The following TRIM48 variants were observed in gnomAD, a reference collection of about 807,000 sequenced individuals.
TRIM48 encodes the protein tripartite motif containing 48.
Under a neutral mutation model 29.5 loss-of-function variants are expected in TRIM48, and 31 were observed. That is an observed-to-expected ratio of 1.05 (90% CI 0.79 to 1.42). TRIM48 has a LOEUF of 1.42. TRIM48 is among the 40% of genes most tolerant of loss of function. The pLI, the probability that TRIM48 is intolerant of heterozygous loss-of-function variation, is 0.00. For missense variants in TRIM48, 344 were observed against 265.0 expected (o/e 1.30, Z -2.07); for synonymous variants, 128 against 90.6 (o/e 1.41, Z -2.34).
rs1376648662 is a variant in TRIM48, at chr11:55,269,231, T to A, written c.579-11T>A. 1 of 1,572,474 alleles carries A rather than the reference T, an allele frequency of 6.4e-7. No individual in the cohort carries two copies. The highest frequency in any genetic ancestry group is 2.4e-5 in the East Asian group (1 of 41,366). On this transcript the variant is annotated splice_polypyrimidine_tract_variant and intron_variant, in intron 4 of 5. Coordinates refer to ENST00000417545, the MANE Select transcript of TRIM48 (RefSeq NM_024114.5). ...GCTGTAGATGTTGTAACTGCAGGTT[T>A]TTCCTTGCAGGAGTGAGTCCGTGCT... is the stretch of plus-strand genomic sequence containing the variant.
chr11:55,262,845 G>A (rs1445038707), intron 1 of TRIM48, among the ~76,000 whole-genome samples: 1 of 151,972 alleles, frequency 6.6e-6, no homozygotes, highest in East Asian at 1.9e-4. Flanking sequence ...ATGTGATGGT[G>A]GTTGCCATCT....
At chr11:55,268,994 C>T (rs1590623226) in intron 4 of TRIM48, among the ~76,000 whole-genome samples, 1 of 148,096 alleles carries the variant, frequency 6.8e-6, no homozygotes, top group East Asian at 2.1e-4. Context: ...GGCCATAAGG[C>T]TAAGGAACTT....
chr11:55,266,408 A>G lies in TRIM48; in HGVS notation c.555+713A>G, dbSNP rs1338735372. Among the ~76,000 whole-genome samples the G allele has an allele frequency of 2.0e-5, 3 of 147,826 alleles. 1 individual carries two copies. Among genetic ancestry groups the G allele is most frequent in the Non-Finnish European group, 4.5e-5 (3 of 66,924 alleles). ...TTAGTGTGTTGAAAAGTATTTCATA[A>G]GAACCTAGTCTATGTTGAATATTAA... On this transcript the variant is annotated intron_variant, in intron 3 of 5. Transcript: ENST00000417545.
At position 55,268,156 on chromosome 11, in the gene TRIM48, C is replaced by A. The variant is rs960145896; in HGVS notation, c.556-194C>A. Among the ~76,000 whole-genome samples the A allele has an allele frequency of 1.6e-4, 24 of 147,444 alleles. 2 individuals carry two copies. Among genetic ancestry groups the A allele is most frequent in the African/African-American group, 6.0e-4 (24 of 40,258 alleles). Reference sequence around the variant, plus strand: ...TTGGAGAATGTCTTCAAGACTCAGACTTTCCCGGGACATTAATTAGTGACA... The same window carrying A: ...TTGGAGAATGTCTTCAAGACTCAGAATTTCCCGGGACATTAATTAGTGACA... On this transcript the variant is annotated intron_variant, in intron 3 of 5. Transcript: ENST00000417545.
intron 1 of TRIM48, among the ~76,000 whole-genome samples, chr11:55,262,776 C>A (rs1445340024): frequency 6.7e-6 from 1 of 150,034 alleles, no homozygotes; most frequent in Non-Finnish European, 1.5e-5. Context: ...CCCAAAACAT[C>A]CCAGTTTGGA....
chr11:55,264,832 T>C lies in TRIM48; in HGVS notation c.45-68T>C, dbSNP rs905412390. 17 of 1,561,862 alleles carry C rather than the reference T, an allele frequency of 1.1e-5. 2 individuals are homozygous for C. The highest frequency in any genetic ancestry group is 1.5e-5 in the Non-Finnish European group (17 of 1,151,314). ...GAGAAGAAACTATAGCTATCACTTA[T>C]CTCCACATGTTCAGAAGCTTTTCAT... On this transcript the variant is annotated intron_variant, in intron 1 of 5. Transcript: ENST00000417545.
intron 1 of TRIM48, among the ~76,000 whole-genome samples, chr11:55,264,076 T>C (rs1375124860): frequency 1.2e-4 from 18 of 152,096 alleles, no homozygotes; most frequent in Admixed American, 1.0e-3. Flanking sequence ...TGTTGGTTAA[T>C]CCAGTCAGAC....
chr11:55,269,815 A>T, intron 5 of TRIM48, among the ~76,000 whole-genome samples: 1 of 148,030 alleles, frequency 6.8e-6, no homozygotes, highest in East Asian at 2.1e-4. Flanking sequence ...AAAAATAAAA[A>T]GAAATCATTT....
At chr11:55,262,577 A>G (rs1297018517) in intron 1 of TRIM48, among the ~76,000 whole-genome samples, 1 of 152,140 alleles carries the variant, frequency 6.6e-6, no homozygotes, top group Non-Finnish European at 1.5e-5. Flanking sequence ...TGGAGTTGAT[A>G]TTTATACATG....
intron 3 of TRIM48, chr11:55,267,573 T>C: frequency 1.4e-6 from 2 of 1,390,648 alleles, no homozygotes; most frequent in Non-Finnish European, 2.0e-6. Context: ...AGGAGGGAGA[T>C]TTTTAAGAGG....
intron 3 of TRIM48, among the ~76,000 whole-genome samples, chr11:55,266,925 T>C (rs1362542333): frequency 6.8e-5 from 10 of 147,824 alleles, no homozygotes; most frequent in African/African-American, 1.7e-4. Context: ...GAGACAAAAA[T>C]GGCCAAATCA....
rs1391474103 is a variant in TRIM48, at chr11:55,264,954, C to G, written c.99C>G (p.Ile33Met). ...TCCAGAGGGAACTCACCTGCCCCAT[C>G]TGCATGAACTACTTCATAGACCCGG... is the stretch of plus-strand genomic sequence containing the variant. ...QVFQRELTCP[I>M]CMNYFIDPVT... Residue 33 changes from isoleucine to methionine, a missense_variant, in exon 2 of 6, where the codon ATC (isoleucine) becomes ATG (methionine). Ile to Met is a conservative substitution (Grantham distance 10). Transcript: ENST00000417545. The G allele has an allele frequency of 6.3e-7, 1 of 1,584,312 alleles. No individual in the cohort carries two copies. The highest frequency in any genetic ancestry group is 1.2e-5 in the South Asian group (1 of 83,706).
At chr11:55,268,488 T>G (rs1341587992) in intron 4 of TRIM48, 116 bp downstream of exon 4, 4 of 1,027,044 alleles carry the variant, frequency 3.9e-6, no homozygotes, top group Admixed American at 4.6e-5. Context: ...TTTTTTTGCA[T>G]CTTCTTTCAT....
In TRIM48 at chr11:55,265,158, C is replaced by T. The variant is rs770508901; in HGVS notation, c.303C>T (p.Phe101=). 7.5e-5 allele frequency: 119 copies of T among 1,582,584 alleles called. 10 individuals are homozygous for T. Among genetic ancestry groups the T allele is most frequent in the Non-Finnish European group, 1.0e-4 (117 of 1,166,156 alleles). Residue 101 remains phenylalanine (F), a synonymous_variant, in exon 2 of 6, where the codon TTC becomes TTT. Coordinates refer to ENST00000417545, the MANE Select transcript of TRIM48 (RefSeq NM_024114.5). The part of the protein sequence containing the change: ...SLARKASLWL[F]LSSEEQMCGI... The stretch of plus-strand genomic sequence containing the variant: ...CCAGAAAAGCCAGTCTCTGGCTATT[C>T]CTGAGCTCTGAGGAGCAAATGTGTG...
chr11:55,265,594 T>C lies in TRIM48; in HGVS notation c.460-6T>C, dbSNP rs752913315. ...ACTGGTGCTTCAATTTATGGCTCTT[T>C]TGCAGGAGAAGCTTTTAAAGAAAAT... On this transcript the variant is annotated splice_region_variant and splice_polypyrimidine_tract_variant and intron_variant, in intron 2 of 5. Transcript: ENST00000417545. The C allele has an allele frequency of 8.9e-6, 14 of 1,579,598 alleles. 2 individuals are homozygous for C. The East Asian group carries it at 3.4e-4, about 38-fold the overall frequency.
rs1182460016 is a variant in TRIM48 at position 55,266,537 on chromosome 11, A to G, written c.555+842A>G. ...AATGGTCAACATGCAAATATGTGCAATACATGATGTGTTCGAGTGTGGTAA... is the reference window on the plus strand; with the variant it reads ...AATGGTCAACATGCAAATATGTGCAGTACATGATGTGTTCGAGTGTGGTAA... On this transcript the variant is annotated intron_variant, in intron 3 of 5. Coordinates refer to ENST00000417545, the MANE Select transcript of TRIM48 (RefSeq NM_024114.5). Among the ~76,000 whole-genome samples, 3 of 147,640 alleles carry G rather than the reference A, an allele frequency of 2.0e-5. 1 individual carries two copies. The Admixed American group carries it at 2.1e-4, about 10-fold the overall frequency.
chr11:55,264,628 C>A (rs183016528), intron 1 of TRIM48, among the ~76,000 whole-genome samples: 1 of 147,724 alleles, frequency 6.8e-6, no homozygotes, highest in Non-Finnish European at 1.5e-5. Flanking sequence ...GATCCACATT[C>A]AGAAAAAAAT....
At chr11:55,265,364 C>A in intron 2 of TRIM48, 50 bp downstream of exon 2, 3 of 1,577,762 alleles carry the variant, frequency 1.9e-6, no homozygotes, top group Non-Finnish European at 2.6e-6. Context: ...CATGAAATTC[C>A]TGTGGCCCTA....
chr11:55,267,444 A>T (rs1590622333), intron 3 of TRIM48: 1 of 1,578,986 alleles, frequency 6.3e-7, no homozygotes, highest in Non-Finnish European at 8.6e-7. Context: ...ATTAAAGCTG[A>T]GTATCAGAAG....
Sources: allele counts gnomAD v4.1 joint callset (sites outside exome capture counted in the v4.1 genomes callset), GRCh38; gene constraint gnomAD v4.1.1; transcripts MANE v1.5; gene names NCBI Gene and HGNC (gene_info 2026-07-23, HGNC 2026-07-21).